Variants in C8orf34 observed in about 807,000 individuals in gnomAD.
C8orf34 encodes chromosome 8 open reading frame 34.
A neutral mutation model predicts 68.3 loss-of-function variants in C8orf34; 65 were observed. The observed-to-expected ratio is 0.95, with a 90% CI of 0.78 to 1.17. The LOEUF (loss-of-function observed/expected upper bound fraction) is 1.17, where lower values mean the gene tolerates loss of function less well. C8orf34 is among the 50% of genes most tolerant of loss of function. The pLI, the probability that C8orf34 is intolerant of heterozygous loss-of-function variation, is 0.00. For synonymous variants in C8orf34, 244 were observed against 241.2 expected, an observed-to-expected ratio of 1.01 and a Z score of -0.11; for missense variants, 664 against 655.4, an observed-to-expected ratio of 1.01 and a Z score of -0.14.
intron 8 of C8orf34, among the ~76,000 whole-genome samples, chr8:68,675,061 C>G (rs909333296): frequency 1.3e-5 from 2 of 152,002 alleles, no homozygotes; most frequent in African/African-American, 4.8e-5. Context: ...GCAAATATAT[C>G]ATTCAAACAT....
intron 12 of C8orf34, among the ~76,000 whole-genome samples, chr8:68,807,394 A>C (rs1824517464): frequency 6.6e-6 from 1 of 152,204 alleles, no homozygotes; most frequent in Non-Finnish European, 1.5e-5. Context: ...TATAATTCTG[A>C]ATAAATGTAG....
At chr8:68,484,916 A>G (rs1455272166) in intron 4 of C8orf34, among the ~76,000 whole-genome samples, 1 of 152,276 alleles carries the variant, frequency 6.6e-6, no homozygotes, top group Non-Finnish European at 1.5e-5. Flanking sequence ...TCATCAAAAT[A>G]TGTAAATTTT....
At chr8:68,516,695 C>T (rs1175151030) in intron 5 of C8orf34, among the ~76,000 whole-genome samples, 2 of 151,814 alleles carry the variant, frequency 1.3e-5, no homozygotes, top group Admixed American at 1.3e-4. Context: ...GGCTGGAGTG[C>T]AGTGGCATGA....
intron 3 of C8orf34, among the ~76,000 whole-genome samples, chr8:68,458,622 C>A (rs1811650744): frequency 1.3e-5 from 2 of 152,162 alleles, no homozygotes; most frequent in Admixed American, 6.5e-5. Context: ...TTTGAAGAAT[C>A]TGATACAAAT....
At chr8:68,718,685 C>T (rs9643596) in intron 9 of C8orf34, among the ~76,000 whole-genome samples, 29,668 of 151,970 alleles carry the variant, frequency 0.2, 3,355 homozygotes, top group East Asian at 0.54. Flanking sequence ...TATAACTGTG[C>T]ATAAAAAAGT....
intron 7 of C8orf34, among the ~76,000 whole-genome samples, chr8:68,579,092 C>T (rs1816988499): frequency 6.6e-6 from 1 of 151,986 alleles, no homozygotes; most frequent in African/African-American, 2.4e-5. Context: ...GACTCTGTCC[C>T]TCTGAGTTCT....
chr8:68,489,402 G>T (rs1469282591), intron 5 of C8orf34, among the ~76,000 whole-genome samples: 1 of 152,170 alleles, frequency 6.6e-6, no homozygotes, highest in East Asian at 1.9e-4. Context: ...CTTGGGGCAA[G>T]AAATGTTTTG....
chr8:68,721,300 A>G (rs1821667576), intron 9 of C8orf34, 61 bp from the exon 10 acceptor site: 1 of 1,081,766 alleles, frequency 9.2e-7, no homozygotes, highest in Non-Finnish European at 1.4e-6. Context: ...AGGTTTATAT[A>G]TCAGAGAATT....
In C8orf34 at chr8:68,709,374, A is replaced by C. The variant is rs1821268413; in HGVS notation, c.1327+295A>C. Among the ~76,000 whole-genome samples, 4 of 152,146 alleles carry C rather than the reference A, an allele frequency of 2.6e-5. No homozygotes were observed. In the South Asian group the frequency reaches 8.3e-4, roughly 32 times the overall value. ...TCCCTAAACTATGTCACTAATTCAAACTTGTCTTTAGAAACCCACATTGTC... is the reference window on the plus strand; with the variant it reads ...TCCCTAAACTATGTCACTAATTCAACCTTGTCTTTAGAAACCCACATTGTC... On this transcript the variant is annotated intron_variant, in intron 9 of 13. Coordinates refer to ENST00000518698, the MANE Select transcript of C8orf34 (RefSeq NM_052958.4).
intron 10 of C8orf34, among the ~76,000 whole-genome samples, chr8:68,749,173 T>G: frequency 6.7e-6 from 1 of 148,234 alleles, no homozygotes; most frequent in Non-Finnish European, 1.5e-5. Context: ...CACTCATAGG[T>G]GGGAATTGAA....
intron 1 of C8orf34, among the ~76,000 whole-genome samples, chr8:68,357,480 A>G (rs1313788169): frequency 6.6e-6 from 1 of 152,182 alleles, no homozygotes; most frequent in Non-Finnish European, 1.5e-5. Context: ...TTAGTAGGGA[A>G]CACAGAGATC....
At chr8:68,484,223 A>G (rs1352551620) in intron 4 of C8orf34, among the ~76,000 whole-genome samples, 8 of 152,180 alleles carry the variant, frequency 5.3e-5, no homozygotes, top group Non-Finnish European at 1.2e-4. Flanking sequence ...ATCATTTGAG[A>G]ACTCACTCAC....
rs1215536916 is a variant in C8orf34, at chr8:68,787,547, A to G, written c.1549+11A>G. 1 of 1,569,162 alleles carries G rather than the reference A, an allele frequency of 6.4e-7. No individual in the cohort carries two copies. Among genetic ancestry groups the G allele is most frequent in the Admixed American group, 1.7e-5 (1 of 57,372 alleles). On this transcript the variant is annotated intron_variant, in intron 12 of 13. Transcript: ENST00000518698. ...CAGAACAAGAGAAACGTGAGTAGACACTATTGTTTATTGACAAATTTCTTT... is the reference window on the plus strand; with the variant it reads ...CAGAACAAGAGAAACGTGAGTAGACGCTATTGTTTATTGACAAATTTCTTT...
intron 4 of C8orf34, among the ~76,000 whole-genome samples, chr8:68,469,932 TTGTGTGTGTGTG>T (rs34106520): frequency 6.7e-6 from 1 of 148,986 alleles, no homozygotes; most frequent in East Asian, 2.0e-4. Flanking sequence ...ATTTGGTATT[TTGTGTGTGTGTG>T]TGTGTGTGTG....
chr8:68,701,097 TATC>T (rs1165894669), intron 8 of C8orf34, among the ~76,000 whole-genome samples: 2 of 152,094 alleles, frequency 1.3e-5, no homozygotes, highest in Non-Finnish European at 2.9e-5. Flanking sequence ...TGAAATATAA[TATC>T]ATAATATTCT....
At chr8:68,747,437 G>A (rs1273702695) in intron 10 of C8orf34, among the ~76,000 whole-genome samples, 1 of 147,426 alleles carries the variant, frequency 6.8e-6, no homozygotes, top group East Asian at 1.9e-4. Context: ...AAAAGAGGAA[G>A]TCAAATTGTC....
chr8:68,343,366 TA>T (rs1447642059), intron 1 of C8orf34, among the ~76,000 whole-genome samples: 1 of 152,138 alleles, frequency 6.6e-6, no homozygotes, highest in Non-Finnish European at 1.5e-5. Flanking sequence ...GGTGAGAATA[TA>T]AAATGGTCCA....
rs551212885 is a variant in C8orf34, at chr8:68,511,540, G to A, written c.766-10259G>A. Among the ~76,000 whole-genome samples the A allele has an allele frequency of 4.6e-5, 7 of 151,316 alleles. 1 individual carries two copies. The South Asian group carries it at 1.2e-3, about 27-fold the overall frequency. On this transcript the variant is annotated intron_variant, in intron 5 of 13. Transcript: ENST00000518698. ...AAAGCAGATGACCAGGGGAACATAT[G>A]TGAATTACTAATTAGAACTGGCAGG... is the stretch of plus-strand genomic sequence containing the variant.
At chr8:68,590,627 C>T (rs986286425) in intron 7 of C8orf34, among the ~76,000 whole-genome samples, 2 of 152,266 alleles carry the variant, frequency 1.3e-5, no homozygotes, top group Admixed American at 6.5e-5. Context: ...AAAATGAAAT[C>T]GTTGAAGTTC....
Sources: allele counts gnomAD v4.1 joint callset (sites outside exome capture counted in the v4.1 genomes callset), GRCh38; gene constraint gnomAD v4.1.1; transcripts MANE v1.5; gene names NCBI Gene and HGNC (gene_info 2026-07-23, HGNC 2026-07-21).